ZNF536: variants seen among roughly 807,000 people sequenced by gnomAD.
ZNF536 encodes zinc finger protein 536.
Under a neutral mutation model 84.5 loss-of-function variants are expected in ZNF536, and 13 were observed. The observed-to-expected ratio is 0.15, with a 90% CI of 0.10 to 0.24. ZNF536 has a LOEUF of 0.24. Ranked by LOEUF, ZNF536 falls within the 10% of genes least tolerant of loss-of-function variation. The pLI is 1.00. For synonymous variants in ZNF536, 811 were observed against 742.5 expected (o/e 1.09, Z -1.50); for missense variants, 1,536 against 1,747.5 (o/e 0.88, Z 2.16).
At chr19:30,304,385 C>A (rs1215575807) in intron 2 of ZNF536, among the ~76,000 whole-genome samples, 1 of 152,228 alleles carries the variant, frequency 6.6e-6, no homozygotes, top group Non-Finnish European at 1.5e-5. Flanking sequence ...TCATTTGAGC[C>A]TTCCAGAAGC....
At chr19:30,230,611 T>A (rs2022963288) in intron 1 of ZNF536, among the ~76,000 whole-genome samples, 1 of 152,332 alleles carries the variant, frequency 6.6e-6, no homozygotes, top group South Asian at 2.1e-4. Context: ...GAGAGGCAGC[T>A]AGAAGGTGCC....
At chr19:30,544,420 G>T (rs765057089) in intron 3 of ZNF536, among the ~76,000 whole-genome samples, 7 of 152,156 alleles carry the variant, frequency 4.6e-5, no homozygotes, top group Non-Finnish European at 1.0e-4. Context: ...AGCCTTTCTT[G>T]TTTCTCAGCT....
At chr19:30,380,478 T>C (rs945540692) in intron 1 of ZNF536, among the ~76,000 whole-genome samples, 27 of 152,244 alleles carry the variant, frequency 1.8e-4, no homozygotes, top group African/African-American at 5.1e-4. Flanking sequence ...TGAGGCCACG[T>C]GAATCTGAGT....
chr19:30,484,651 GC>G (rs1351756241), intron 2 of ZNF536, among the ~76,000 whole-genome samples: 1 of 149,808 alleles, frequency 6.7e-6, no homozygotes, highest in Non-Finnish European at 1.5e-5. Context: ...TGAGCAAGTA[GC>G]GCACTTTCTT....
chr19:30,488,547 T>A (rs1406864496), intron 2 of ZNF536, among the ~76,000 whole-genome samples: 1 of 147,432 alleles, frequency 6.8e-6, no homozygotes, highest in African/African-American at 2.6e-5. Context: ...AGGAAAATTA[T>A]TTAGCTATTT....
intron 1 of ZNF536, among the ~76,000 whole-genome samples, chr19:30,435,311 CTGGTGATGGTGGTGATGATGA>C (rs1375808471): frequency 7.8e-6 from 1 of 128,424 alleles, no homozygotes; most frequent in Non-Finnish European, 1.7e-5. Flanking sequence ...GATGCTGATG[CTGGTGATGGTGGTGATGATGA>C]TGGTGATGGT....
intron 2 of ZNF536, among the ~76,000 whole-genome samples, chr19:30,350,059 A>C (rs569884686): frequency 6.6e-6 from 1 of 152,156 alleles, no homozygotes; most frequent in Non-Finnish European, 1.5e-5. Flanking sequence ...GTATATCATT[A>C]GAAAGTCTGG....
intron 1 of ZNF536, among the ~76,000 whole-genome samples, chr19:30,687,042 G>A (rs1233426382): frequency 1.3e-5 from 2 of 152,136 alleles, no homozygotes; most frequent in East Asian, 3.9e-4. Context: ...AGACAAATAG[G>A]CCCTTCAGCG....
chr19:30,500,287 C>T (rs184362903), intron 2 of ZNF536, among the ~76,000 whole-genome samples: 246 of 150,242 alleles, frequency 1.6e-3, no homozygotes, highest in Non-Finnish European at 2.0e-3. Flanking sequence ...AGCAGGATGC[C>T]ATGGGATGAA....
chr19:30,559,692 G>A (rs550043681), downstream of ZNF536, among the ~76,000 whole-genome samples: 2 of 152,272 alleles, frequency 1.3e-5, no homozygotes, highest in East Asian at 3.9e-4. Context: ...TGGAGGCAGA[G>A]GGAGTGCAAA....
chr19:30,556,992 C>T, intron 4 of ZNF536, 165 bp from the exon 5 acceptor site: 1 of 694,490 alleles, frequency 1.4e-6, no homozygotes, highest in Non-Finnish European at 2.5e-6. Flanking sequence ...ATCATGTTGA[C>T]TATTCTTGCT....
At chr19:30,341,632 T>C (rs2146553004) in intron 2 of ZNF536, among the ~76,000 whole-genome samples, 1 of 152,278 alleles carries the variant, frequency 6.6e-6, no homozygotes, top group Non-Finnish European at 1.5e-5. Flanking sequence ...CCCCCTCATC[T>C]CTTTGTGCAG....
chr19:30,253,772 C>T (rs2024753364), intron 1 of ZNF536, among the ~76,000 whole-genome samples: 1 of 152,076 alleles, frequency 6.6e-6, no homozygotes, highest in South Asian at 2.1e-4. Context: ...GTCACGGCTG[C>T]GCTTTGAGAT....
chr19:30,233,954 G>C (rs2023276090), intron 1 of ZNF536, among the ~76,000 whole-genome samples: 1 of 152,128 alleles, frequency 6.6e-6, no homozygotes, highest in Non-Finnish European at 1.5e-5. Flanking sequence ...CTGACACCAG[G>C]CTTGGGGGCT....
At chr19:30,259,383 G>A (rs1366647649) in intron 1 of ZNF536, among the ~76,000 whole-genome samples, 2 of 152,222 alleles carry the variant, frequency 1.3e-5, no homozygotes, top group Non-Finnish European at 1.5e-5. Flanking sequence ...CGGGTCCTGA[G>A]ATGAACTAGG....
intron 1 of ZNF536, among the ~76,000 whole-genome samples, chr19:30,604,991 A>C (rs958860604): frequency 6.6e-6 from 1 of 152,126 alleles, no homozygotes; most frequent in African/African-American, 2.4e-5. Context: ...AGCAGATCAC[A>C]CTGCTGGAAC....
chr19:30,632,873 C>G (rs1285350022), intron 1 of ZNF536, among the ~76,000 whole-genome samples: 2 of 152,030 alleles, frequency 1.3e-5, no homozygotes, highest in African/African-American at 4.8e-5. Context: ...CATCTCAATC[C>G]CAAGTTATCT....
chr19:30,646,573 C>T (rs1003007071), intron 1 of ZNF536, among the ~76,000 whole-genome samples: 1 of 152,208 alleles, frequency 6.6e-6, no homozygotes, highest in African/African-American at 2.4e-5. Context: ...GTGGGCACAG[C>T]TGTTGATCAC....
chr19:30,356,688 G>A (rs987938827), intron 3 of ZNF536, among the ~76,000 whole-genome samples: 7 of 152,208 alleles, frequency 4.6e-5, no homozygotes, highest in African/African-American at 1.4e-4. Flanking sequence ...TTCCCAGGGA[G>A]AAAACCAAAA....
Sources: allele counts gnomAD v4.1 joint callset (sites outside exome capture counted in the v4.1 genomes callset), GRCh38; gene constraint gnomAD v4.1.1; transcripts MANE v1.5; gene names NCBI Gene and HGNC (gene_info 2026-07-23, HGNC 2026-07-21).